Variants in SEM1 observed in about 807,000 individuals in gnomAD.
SEM1 encodes 26S proteasome complex subunit SEM1.
A neutral mutation model predicts 12.7 loss-of-function variants in SEM1; 3 were observed. The ratio of observed to expected loss-of-function variants is 0.24; its 90% CI spans 0.11 to 0.61. The LOEUF is 0.61. Ranked by LOEUF, SEM1 falls within the 20% of genes least tolerant of loss-of-function variation. The probability of loss-of-function intolerance (pLI) is 0.88; values close to 1 mark genes in which losing one functional copy is unlikely to be tolerated. For synonymous variants in SEM1, 30 were observed against 27.8 expected, an observed-to-expected ratio of 1.08 and a Z score of -0.25; for missense variants, 59 against 81.3, an observed-to-expected ratio of 0.73 and a Z score of 1.06.
At chr7:96,588,135 G>A (rs112213041) in intron 2 of SEM1, among the ~76,000 whole-genome samples, 45 of 152,194 alleles carry the variant, frequency 3.0e-4, no homozygotes, top group African/African-American at 5.5e-4. Context: ...TTTGGAGGCC[G>A]AGGTGGAAGG....
At chr7:96,603,500 G>A (rs1418416033) in intron 2 of SEM1, among the ~76,000 whole-genome samples, 2 of 152,032 alleles carry the variant, frequency 1.3e-5, no homozygotes, top group Admixed American at 6.6e-5. Flanking sequence ...ACCACATTTT[G>A]GGAATCTACC....
chr7:96,637,773 A>T (rs938545562), intron 2 of SEM1, among the ~76,000 whole-genome samples: 1 of 151,280 alleles, frequency 6.6e-6, no homozygotes, highest in African/African-American at 2.4e-5. Flanking sequence ...TGAACCAAGC[A>T]CTCCCCTTCA....
chr7:96,555,648 G>GA (rs1359762546), intron 2 of SEM1, among the ~76,000 whole-genome samples: 1 of 145,038 alleles, frequency 6.9e-6, no homozygotes, highest in Non-Finnish European at 1.5e-5. Context: ...GTGCGGTGCT[G>GA]AAAAAAATGT....
At chr7:96,673,368 C>T (rs1584853063), downstream of SEM1, 1 of 170,924 alleles carries the variant, frequency 5.9e-6, no homozygotes, top group Admixed American at 5.7e-5. Context: ...ACCTGCCTTG[C>T]CCTCCCAAAG....
At chr7:96,693,632 C>A (rs1789994997) in intron 2 of SEM1, among the ~76,000 whole-genome samples, 2 of 151,810 alleles carry the variant, frequency 1.3e-5, no homozygotes, top group Admixed American at 6.6e-5. Flanking sequence ...TGTGGAGAGA[C>A]TGAAACCTTC....
At chr7:96,594,886 A>T (rs944366115) in intron 2 of SEM1, among the ~76,000 whole-genome samples, 3 of 152,200 alleles carry the variant, frequency 2.0e-5, no homozygotes, top group Non-Finnish European at 4.4e-5. Context: ...GCAGCTACAT[A>T]AACAAAAGAA....
chr7:96,683,009 C>A (rs770535639), intron 2 of SEM1, among the ~76,000 whole-genome samples: 12 of 152,006 alleles, frequency 7.9e-5, no homozygotes, highest in Non-Finnish European at 1.3e-4. Flanking sequence ...CAATGAGATA[C>A]CACCTCATGC....
At chr7:96,687,446 T>C (rs1471237224), downstream of SEM1, among the ~76,000 whole-genome samples, 1 of 152,144 alleles carries the variant, frequency 6.6e-6, no homozygotes, top group East Asian at 1.9e-4. Context: ...TGGAATACTA[T>C]GCAGCCATAA....
chr7:96,582,807 T>A (rs1310921122), intron 2 of SEM1, among the ~76,000 whole-genome samples: 1 of 152,242 alleles, frequency 6.6e-6, no homozygotes, highest in Non-Finnish European at 1.5e-5. Context: ...TTCTGTGGGA[T>A]CGGTGGTGAT....
exon 4 of SEM1, chr7:96,483,887 T>C: frequency 7.8e-6 from 12 of 1,536,706 alleles, no homozygotes; most frequent in Non-Finnish European, 9.6e-6. Context: ...TGGGGCCAGA[T>C]TGTAGAGGTC....
At chr7:96,493,934 C>T (rs1208247760) in intron 1 of SEM1, among the ~76,000 whole-genome samples, 1 of 152,190 alleles carries the variant, frequency 6.6e-6, no homozygotes, top group Non-Finnish European at 1.5e-5. Context: ...CCCACAACCA[C>T]ACGCTAAACT....
chr7:96,644,474 A>G lies in SEM1; in HGVS notation c.171-21831T>C, dbSNP rs1029016997. ...GGAAGGTGGAAGAGGCTACCTCATG[A>G]CAGTCAACTGCAAGAGGTCAGGTCT... On this transcript the variant is annotated intron_variant, in intron 2 of 2. Coordinates refer to the SEM1 transcript ENST00000417009. Among the ~76,000 whole-genome samples the G allele has an allele frequency of 3.9e-5, 6 of 152,122 alleles. No homozygotes were observed. The South Asian group carries it at 8.3e-4, about 21-fold the overall frequency.
At chr7:96,646,875 A>G (rs761768625) in intron 2 of SEM1, among the ~76,000 whole-genome samples, 5 of 152,198 alleles carry the variant, frequency 3.3e-5, no homozygotes, top group Non-Finnish European at 7.3e-5. Flanking sequence ...GCTCACTAGT[A>G]TCATTACTCT....
chr7:96,506,191 T>C (rs1803748874), intron 3 of SEM1, among the ~76,000 whole-genome samples: 1 of 152,082 alleles, frequency 6.6e-6, no homozygotes, highest in South Asian at 2.1e-4. Context: ...TGTTCCCAGA[T>C]CATCTTGTAT....
intron 2 of SEM1, among the ~76,000 whole-genome samples, chr7:96,522,513 A>G (rs1207923456): frequency 2.6e-5 from 4 of 150,978 alleles, no homozygotes; most frequent in Non-Finnish European, 5.9e-5. Flanking sequence ...GCACTCCACC[A>G]TGGGACTACT....
Position 96,624,191 on chromosome 7 carries a change from T to C in SEM1, c.171-1548A>G, listed in dbSNP as rs573663267. On this transcript the variant is annotated intron_variant, in intron 2 of 2. Transcript: ENST00000417009. The stretch of plus-strand genomic sequence containing the variant: ...TTCTATCTACTAAAGGGATGACATA[T>C]AAGAAGATCTAAAATTTACTTTTAC... Among the ~76,000 whole-genome samples the C allele has an allele frequency of 4.6e-5, 7 of 152,302 alleles. No homozygotes were observed. In the South Asian group the frequency reaches 1.5e-3, roughly 32 times the overall value.
At chr7:96,587,636 A>G (rs73708361) in intron 2 of SEM1, among the ~76,000 whole-genome samples, 4,071 of 142,042 alleles carry the variant, frequency 0.029, 169 homozygotes, top group African/African-American at 0.097. Flanking sequence ...CTACTGCATT[A>G]CGATTAAGAC....
intron 2 of SEM1, among the ~76,000 whole-genome samples, chr7:96,676,777 T>C (rs1425886510): frequency 6.6e-6 from 1 of 152,204 alleles, no homozygotes; most frequent in Non-Finnish European, 1.5e-5. Context: ...GGCTAGTATA[T>C]ACCATGCCTA....
At chr7:96,571,542 T>C (rs1213645888) in intron 2 of SEM1, among the ~76,000 whole-genome samples, 2 of 151,662 alleles carry the variant, frequency 1.3e-5, no homozygotes, top group Non-Finnish European at 2.9e-5. Context: ...CTGAGGCATC[T>C]GTTCTGTGTG....
Sources: allele counts gnomAD v4.1 joint callset (sites outside exome capture counted in the v4.1 genomes callset), GRCh38; gene constraint gnomAD v4.1.1; transcripts MANE v1.5; gene names NCBI Gene and HGNC (gene_info 2026-07-23, HGNC 2026-07-21).